EIF2D: variants seen among roughly 807,000 people sequenced by gnomAD.
EIF2D encodes the protein hepatocellular carcinoma-associated antigen 56.
In EIF2D, 56 loss-of-function variants were observed where a neutral mutation model predicts 77.4. The ratio of observed to expected loss-of-function variants is 0.72; its 90% CI spans 0.58 to 0.90. The LOEUF is 0.90. Ranked by LOEUF, EIF2D falls within the 40% of genes least tolerant of loss-of-function variation. The pLI, the probability that EIF2D is intolerant of heterozygous loss-of-function variation, is 0.00. For missense variants in EIF2D, 574 were observed against 706.5 expected (o/e 0.81, Z 2.13); for synonymous variants, 230 against 271.0 (o/e 0.85, Z 1.49).
chr1:206,576,190 T>G (rs529660972), intron 4 of EIF2D, among the ~76,000 whole-genome samples: 90 of 152,378 alleles, frequency 5.9e-4, no homozygotes, highest in Non-Finnish European at 9.0e-4. Context: ...ATGCCAGCTG[T>G]AGCCACACAG....
rs1286437460 is a variant in EIF2D, at chr1:206,593,506, A to AGTGTGTGTGCGTGTGTGT, written c.1684+112_1684+113insACACACACGCACACACAC. ...GAGAGAGCGAGAGAGAGAGAGAGAGAGAGTGTGTGTGTGTGTGTGTGTGTG... is the reference window on the plus strand; with the variant it reads ...GAGAGAGCGAGAGAGAGAGAGAGAGAGTGTGTGTGCGTGTGTGTGAGTGTGTGTGTGTGTGTGTGTGTG... On this transcript the variant is annotated intron_variant, in intron 14 of 14. Coordinates refer to ENST00000271764, the MANE Select transcript of EIF2D (RefSeq NM_006893.3). 67 of 442,796 alleles carry AGTGTGTGTGCGTGTGTGT rather than the reference A, an allele frequency of 1.5e-4. No individual in the cohort carries two copies. In the East Asian group the frequency reaches 1.9e-3, roughly 13 times the overall value. The allele number at this position is 442,796 out of a possible 1,614,324, so 27.4% of individuals were successfully genotyped here. A position where few individuals can be genotyped will look rare whatever the true frequency, so the allele number is the denominator to read the frequency against.
chr1:206,581,441 A>G (rs1396053255), intron 2 of EIF2D, among the ~76,000 whole-genome samples: 1 of 152,132 alleles, frequency 6.6e-6, no homozygotes, highest in Admixed American at 6.5e-5. Context: ...CTACTAAAAA[A>G]TACAAAAATT....
At chr1:206,600,361 C>T in intron 7 of EIF2D, 53 bp from the exon 8 acceptor site, 5 of 1,534,986 alleles carry the variant, frequency 3.3e-6, no homozygotes, top group Admixed American at 1.7e-5. Context: ...ATACTGGGAC[C>T]TGCCTGACAC....
downstream of EIF2D, among the ~76,000 whole-genome samples, chr1:206,569,207 A>G (rs1414422746): frequency 1.3e-5 from 2 of 152,244 alleles, no homozygotes; most frequent in Admixed American, 1.3e-4. Context: ...AGCCTTCAGA[A>G]TGAAGACCCA....
chr1:206,608,500 A>C (rs1379771181), intron 3 of EIF2D, among the ~76,000 whole-genome samples, 174 bp from the exon 4 acceptor site: 1 of 152,216 alleles, frequency 6.6e-6, no homozygotes, highest in Non-Finnish European at 1.5e-5. Flanking sequence ...ATTAGTTATC[A>C]ACTATGTTAT....
In EIF2D at chr1:206,597,169, C is replaced by T. The variant is rs782113463; in HGVS notation, c.1319G>A (p.Cys440Tyr). Residue 440 changes from cysteine to tyrosine, a missense_variant, in exon 12 of 15, where the codon TGT (cysteine) becomes TAT (tyrosine). Transcript: ENST00000271764. ...KNLVRLDPIL[C>Y]DCILEKNEQH... ...TTCATTTTTCTCTAAGATGCAGTCA[C>T]ATAGGATGGGATCCAATCTCACAAG... is the stretch of plus-strand genomic sequence containing the variant. 1.2e-5 allele frequency: 19 copies of T among 1,613,972 alleles called. No homozygotes were observed. The Admixed American group carries it at 3.0e-4, about 25-fold the overall frequency.
chr1:206,570,174 C>T (rs569576081), downstream of EIF2D, among the ~76,000 whole-genome samples: 3 of 149,902 alleles, frequency 2.0e-5, no homozygotes, highest in East Asian at 5.9e-4. Context: ...TCACTGTAAC[C>T]TCTGCCTCCC....
rs1230666283 is a variant in EIF2D at position 206,602,319 on chromosome 1, A to G, written c.902+17T>C. 1 of 1,610,160 alleles carries G rather than the reference A, an allele frequency of 6.2e-7. No individual in the cohort carries two copies. The highest frequency in any genetic ancestry group is 8.5e-7 in the Non-Finnish European group (1 of 1,176,484). ...ACCCCGGCCCCGGCCTCCAGCCCAC[A>G]TCAGTGCTTTCCATACCAGCAGGAG... On this transcript the variant is annotated intron_variant, in intron 7 of 14. Coordinates refer to ENST00000271764, the MANE Select transcript of EIF2D (RefSeq NM_006893.3).
chr1:206,603,419 G>C, intron 5 of EIF2D: 1 of 554,726 alleles, frequency 1.8e-6, no homozygotes, highest in Non-Finnish European at 3.1e-6. Context: ...CTGAAATGGG[G>C]AGAATAAATC....
In EIF2D at chr1:206,595,933, T is replaced by C. The variant is rs1238628074; in HGVS notation, c.1389-95A>G. The C allele has an allele frequency of 3.3e-6, 5 of 1,534,970 alleles. No individual in the cohort carries two copies. In the Admixed American group the frequency reaches 5.6e-5, roughly 17 times the overall value. On this transcript the variant is annotated intron_variant, in intron 12 of 14. Transcript: ENST00000271764. ...GCAGGCAGTTAGGTGTAGGCTGAAA[T>C]TGCAGGTCCACAACCTTGGCTGCAC...
chr1:206,604,454 G>T (rs1426512558), intron 5 of EIF2D, among the ~76,000 whole-genome samples: 1 of 145,360 alleles, frequency 6.9e-6, no homozygotes, highest in African/African-American at 2.6e-5. Flanking sequence ...AAAAAAAAAG[G>T]CTGGGCGCAG....
rs544094291 is a variant in EIF2D at position 206,591,817 on chromosome 1, G to A, written c.1713C>T (p.Ile571=). The change falls in exon 15 of 15, where the codon ATC becomes ATT. Residue 571 remains isoleucine (I), a synonymous_variant. Transcript: ENST00000271764. ...GTTTGAGGGCCTTTTCTAGACCTTG[G>A]ATGTGTTTTCGAGGGAGCTGATACT... ...LEEYQLPRKH[I]QGLEKALKPG... 2.1e-5 allele frequency: 34 copies of A among 1,614,102 alleles called. No individual in the cohort carries two copies. The South Asian group carries it at 3.7e-4, about 18-fold the overall frequency.
chr1:206,612,097 G>C (rs1245346312), intron 1 of EIF2D, among the ~76,000 whole-genome samples, 190 bp downstream of exon 1: 1 of 152,182 alleles, frequency 6.6e-6, no homozygotes, highest in East Asian at 1.9e-4. Context: ...ATCCAAAAGA[G>C]AGCCAGGTCC....
At chr1:206,607,456 T>C (rs1670254002) in intron 4 of EIF2D, among the ~76,000 whole-genome samples, 2 of 152,206 alleles carry the variant, frequency 1.3e-5, no homozygotes, top group South Asian at 4.1e-4. Flanking sequence ...TTACTTCTTA[T>C]TTTTAAAAAG....
At chr1:206,594,373 T>G (rs1669532561) in intron 13 of EIF2D, 1 of 152,246 alleles carries the variant, frequency 6.6e-6, no homozygotes, top group Non-Finnish European at 1.5e-5. Context: ...CATGCATTCT[T>G]CTGGTATTCA....
At chr1:206,587,277 C>T (rs908902782), downstream of EIF2D, 4 of 374,550 alleles carry the variant, frequency 1.1e-5, no homozygotes, top group African/African-American at 2.1e-5. Context: ...TTGCCTCTCT[C>T]GTCACCAAAC....
At chr1:206,577,001 G>C (rs1553405308) in intron 4 of EIF2D, among the ~76,000 whole-genome samples, 2 of 149,010 alleles carry the variant, frequency 1.3e-5, no homozygotes, top group African/African-American at 2.5e-5. Flanking sequence ...TGTAGAGACA[G>C]GGTCTCACTA....
Position 206,597,159 on chromosome 1 carries a change from G to C in EIF2D, c.1329C>G (p.Ile443Met). ...VRLDPILCDC[I>M]LEKNEQHTVM... ...CTGTATGCTGTTCATTTTTCTCTAA[G>C]ATGCAGTCACATAGGATGGGATCCA... Residue 443 changes from isoleucine (I) to methionine (M), a missense_variant, in exon 12 of 15, where the codon ATC becomes ATG. Coordinates refer to ENST00000271764, the MANE Select transcript of EIF2D (RefSeq NM_006893.3). 6.2e-7 allele frequency: 1 copy of C among 1,614,040 alleles called. No homozygotes were observed. Among genetic ancestry groups the C allele is most frequent in the Non-Finnish European group, 8.5e-7 (1 of 1,179,944 alleles).
At chr1:206,576,745 ACT>A (rs1355408727) in intron 4 of EIF2D, among the ~76,000 whole-genome samples, 3 of 152,070 alleles carry the variant, frequency 2.0e-5, no homozygotes, top group African/African-American at 4.8e-5. Context: ...TAGGCAGGAG[ACT>A]CTGCACAAAC....
Sources: allele counts gnomAD v4.1 joint callset (sites outside exome capture counted in the v4.1 genomes callset), GRCh38; gene constraint gnomAD v4.1.1; transcripts MANE v1.5; gene names NCBI Gene and HGNC (gene_info 2026-07-23, HGNC 2026-07-21).